The following DDX31 variants were observed in gnomAD, a reference collection of about 807,000 sequenced individuals.
The protein encoded by DDX31 is DEAD-box helicase 31.
Under a neutral mutation model 91.3 loss-of-function variants are expected in DDX31, and 70 were observed. The observed-to-expected ratio is 0.77, with a 90% CI of 0.63 to 0.94. The LOEUF is 0.94. Among genes scored for constraint, DDX31 ranks in the 40% least tolerant of loss-of-function variants. DDX31 has a pLI of 0.00. For missense variants in DDX31, 902 were observed against 925.0 expected (o/e 0.98, Z 0.32); for synonymous variants, 362 against 350.6 (o/e 1.03, Z -0.36).
intron 3 of DDX31, 85 bp downstream of exon 3, chr9:132,662,176 C>A: frequency 7.6e-7 from 1 of 1,323,772 alleles, no homozygotes; most frequent in East Asian, 2.4e-5. Context: ...CTGATCTCTC[C>A]TCCTAGAGCG....
rs1476265382 is a variant in DDX31, at chr9:132,659,775, T to C, written c.458A>G (p.Gln153Arg). ...VLKMSSMTSV[Q>R]KQSIPVLLEG... ...CAGCAACACAGGAATACTTTGCTTC[T>C]GAACACTGGGCCACCCGAAAAAAAG... Residue 153 changes from glutamine (Q) to arginine (R), a missense_variant, in exon 5 of 20, where the codon CAG becomes CGG. By Grantham distance (43) the Gln-to-Arg change is conservative. Coordinates refer to ENST00000372159, the MANE Select transcript of DDX31 (RefSeq NM_022779.9). The C allele has an allele frequency of 1.9e-6, 3 of 1,613,152 alleles. No individual in the cohort carries two copies. The highest frequency in any genetic ancestry group is 2.5e-6 in the Non-Finnish European group (3 of 1,179,554).
intron 15 of DDX31, 148 bp downstream of exon 15, chr9:132,631,893 G>C: frequency 1.6e-6 from 1 of 633,814 alleles, no homozygotes; most frequent in Non-Finnish European, 2.6e-6. Flanking sequence ...AGATGTCAGG[G>C]GAATTGAACA....
chr9:132,618,232 T>C (rs1831766622), intron 18 of DDX31, 98 bp downstream of exon 18: 6 of 954,030 alleles, frequency 6.3e-6, no homozygotes, highest in Non-Finnish European at 9.3e-6. Context: ...GGGACCTCCA[T>C]GTTGGCCTCT....
chr9:132,595,055 C>T lies in DDX31; in HGVS notation c.2052G>A (p.Ser684=), dbSNP rs750771309. Residue 684 remains serine, a synonymous_variant, in exon 20 of 20, where the codon TCG becomes TCA. Coordinates refer to ENST00000372159, the MANE Select transcript of DDX31 (RefSeq NM_022779.9). This position sits in a 1 kb window ranked among gnomAD's most constrained non-coding sequence, Gnocchi z 4.6. ...CGGCCTCCATGCCGCTTGAGTATTC[C>T]GAACGTAGGATTTCAGCGAGGCTGT... The part of the protein sequence containing the change: ...SKHSLAEILR[S]EYSSGMEADI... The T allele has an allele frequency of 9.3e-6, 15 of 1,614,080 alleles. No individual in the cohort carries two copies. The African/African-American group carries it at 1.1e-4, about 11-fold the overall frequency.
At chr9:132,633,505 ATATAACAGAGTAC>A in intron 14 of DDX31, among the ~76,000 whole-genome samples, 1 of 152,240 alleles carries the variant, frequency 6.6e-6, no homozygotes, top group East Asian at 1.9e-4. Flanking sequence ...GCAATATCTC[ATATAACAGAGTAC>A]TATACAGCTA....
chr9:132,662,547 GA>G lies in DDX31; in HGVS notation c.223del (p.Ser75LeufsTer40). ...TGTGCTAACCGAATGCTTCTTTGGA[GA>G]AAACATTTTTTGTGCGTTCCCCTTA... Reference protein sequence around the residue: ...TFKGNAQKMFSPKKHSVSTSD... With the variant: ...TFKGNAQKMFXPKKHSVSTSD... On this transcript the variant is annotated frameshift_variant, in exon 2 of 20. Coordinates refer to ENST00000372159, the MANE Select transcript of DDX31 (RefSeq NM_022779.9). LOFTEE classifies it high-confidence loss of function. 6.2e-7 allele frequency: 1 copy of G among 1,614,198 alleles called. No individual in the cohort carries two copies. Among genetic ancestry groups the G allele is most frequent in the Non-Finnish European group, 8.5e-7 (1 of 1,180,024 alleles).
chr9:132,622,635 G>A (rs567166113), intron 17 of DDX31, among the ~76,000 whole-genome samples: 31 of 152,330 alleles, frequency 2.0e-4, no homozygotes, highest in African/African-American at 7.5e-4. Context: ...CTGAGACGAC[G>A]TTTGATCAAA....
intron 17 of DDX31, among the ~76,000 whole-genome samples, chr9:132,624,995 T>C (rs1383837651): frequency 6.6e-6 from 1 of 152,140 alleles, no homozygotes; most frequent in Non-Finnish European, 1.5e-5. Flanking sequence ...TAATATCTCA[T>C]AGACAAAATT....
intron 6 of DDX31, among the ~76,000 whole-genome samples, chr9:132,657,091 T>C (rs1010196988): frequency 3.3e-5 from 5 of 152,210 alleles, no homozygotes; most frequent in African/African-American, 1.2e-4. Context: ...ATACACATCA[T>C]TTTGTAACCT....
At chr9:132,652,934 T>C (rs758417202) in intron 6 of DDX31, among the ~76,000 whole-genome samples, 10 of 152,166 alleles carry the variant, frequency 6.6e-5, no homozygotes, top group Admixed American at 1.3e-4. Flanking sequence ...AACCTCTTTG[T>C]CTTCCCAGTC....
chr9:132,604,697 C>T lies in DDX31; in HGVS notation c.1994+7390G>A, dbSNP rs144922951. Among the ~76,000 whole-genome samples, 578 of 152,260 alleles carry T rather than the reference C, an allele frequency of 3.8e-3. 1 individual carries two copies. Among genetic ancestry groups the T allele is most frequent in the Middle Eastern group, 0.024 (7 of 294 alleles). On this transcript the variant is annotated intron_variant, in intron 19 of 19. Transcript: ENST00000372159. Reference sequence around the variant, plus strand: ...GGAGCCTGGGCAGAGCATTTTCATACGATTCCCCAGCAGACTTCCAGAGCA... The same window carrying T: ...GGAGCCTGGGCAGAGCATTTTCATATGATTCCCCAGCAGACTTCCAGAGCA...
chr9:132,631,379 C>T (rs1197845730), intron 15 of DDX31, among the ~76,000 whole-genome samples: 1 of 152,186 alleles, frequency 6.6e-6, no homozygotes, highest in African/African-American at 2.4e-5. Context: ...AGACACAATG[C>T]CTCCAGTTCT....
intron 19 of DDX31, among the ~76,000 whole-genome samples, chr9:132,598,704 C>T (rs1299896847): frequency 6.6e-6 from 1 of 152,184 alleles, no homozygotes; most frequent in East Asian, 1.9e-4. Context: ...GCTAATGGCA[C>T]TCTTTTATAG....
In DDX31 at chr9:132,595,212, G is replaced by C; in HGVS notation, c.1995-100C>G. On this transcript the variant is annotated intron_variant, in intron 19 of 19. Transcript: ENST00000372159. This position sits in a 1 kb window ranked among gnomAD's most constrained non-coding sequence, Gnocchi z 4.6. ...CAGCTGGTTCTGAGACTGTGAAGCTGACATTTTTGTATTAACAGAAGTACA... is the reference window on the plus strand; with the variant it reads ...CAGCTGGTTCTGAGACTGTGAAGCTCACATTTTTGTATTAACAGAAGTACA... 3 of 1,417,432 alleles carry C rather than the reference G, an allele frequency of 2.1e-6. No individual in the cohort carries two copies. Among genetic ancestry groups the C allele is most frequent in the Non-Finnish European group, 2.8e-6 (3 of 1,054,064 alleles). The allele number at this position is 1,417,432 out of a possible 1,614,324, so 87.8% of individuals were successfully genotyped here.
chr9:132,655,119 A>G (rs1448869379), intron 6 of DDX31, among the ~76,000 whole-genome samples: 2 of 152,110 alleles, frequency 1.3e-5, no homozygotes, highest in Admixed American at 1.3e-4. Context: ...ACTTACAGAA[A>G]TTTCTCCTAT....
At chr9:132,640,207 T>C (rs565415020) in intron 14 of DDX31, among the ~76,000 whole-genome samples, 2 of 152,166 alleles carry the variant, frequency 1.3e-5, no homozygotes, top group East Asian at 1.9e-4. Context: ...GACAGCCCCA[T>C]GGGGAAGAAT....
rs560503184 is a variant in DDX31, at chr9:132,606,109, G to A, written c.1994+5978C>T. Among the ~76,000 whole-genome samples, 157 of 152,328 alleles carry A rather than the reference G, an allele frequency of 1.0e-3. 1 individual carries two copies. Among genetic ancestry groups the A allele is most frequent in the Middle Eastern group, 0.01 (3 of 294 alleles). On this transcript the variant is annotated intron_variant, in intron 19 of 19. Coordinates refer to ENST00000372159, the MANE Select transcript of DDX31 (RefSeq NM_022779.9). ...GGAGTAGATAAGCACTGACTCAGGTGCAGTGGATTTACACGGAGAAATCCT... is the reference window on the plus strand; with the variant it reads ...GGAGTAGATAAGCACTGACTCAGGTACAGTGGATTTACACGGAGAAATCCT...
At chr9:132,649,775 C>T (rs185539611) in intron 9 of DDX31, among the ~76,000 whole-genome samples, 68 of 152,202 alleles carry the variant, frequency 4.5e-4, no homozygotes, top group Admixed American at 8.5e-4. Flanking sequence ...CTTGTTGCAA[C>T]GATTTTCAAC....
At chr9:132,646,292 C>T (rs3739905) in intron 12 of DDX31, among the ~76,000 whole-genome samples, 29,150 of 152,148 alleles carry the variant, frequency 0.19, 3,586 homozygotes, top group East Asian at 0.42. Flanking sequence ...ACAGGTTTCC[C>T]TTATCTGACA....
Sources: allele counts gnomAD v4.1 joint callset (sites outside exome capture counted in the v4.1 genomes callset), GRCh38; gene constraint gnomAD v4.1.1; non-coding constraint Gnocchi (gnomAD v3.1); transcripts MANE v1.5; gene names NCBI Gene and HGNC (gene_info 2026-07-23, HGNC 2026-07-21).